NRXN1: variants seen among roughly 807,000 people sequenced by gnomAD.
NRXN1 encodes neurexin 1, also known as neurexin-1.
NRXN1 carries 39 observed loss-of-function variants against 150.9 expected under a neutral mutation model. That is an observed-to-expected ratio of 0.26 (90% CI 0.20 to 0.34). NRXN1 has a LOEUF of 0.34. Among genes scored for constraint, NRXN1 ranks in the 10% least tolerant of loss-of-function variants. The pLI is 1.00. For missense variants in NRXN1, 1,815 were observed against 1,949.9 expected (o/e 0.93, Z 1.30); for synonymous variants, 924 against 757.0 (o/e 1.22, Z -3.62).
chr2:49,979,508 A>G (rs1006740482), intron 21 of NRXN1, among the ~76,000 whole-genome samples: 15 of 152,186 alleles, frequency 9.9e-5, no homozygotes, highest in African/African-American at 3.6e-4. Context: ...TCCTTTCAGA[A>G]GAATTTAAGT....
chr2:50,042,736 A>C (rs572335043), intron 21 of NRXN1, among the ~76,000 whole-genome samples: 1 of 152,346 alleles, frequency 6.6e-6, no homozygotes, highest in African/African-American at 2.4e-5. Flanking sequence ...GTCAAAAAAA[A>C]AACTTAAGGT....
chr2:50,171,893 T>C (rs1030928265), intron 18 of NRXN1, among the ~76,000 whole-genome samples: 1 of 152,146 alleles, frequency 6.6e-6, no homozygotes, highest in African/African-American at 2.4e-5. Context: ...CTAATTTTGG[T>C]TGCCTGAGAA....
rs1693364049 is a variant in NRXN1, at chr2:50,962,508, C to T, written c.773-36553G>A. Reference sequence around the variant, plus strand: ...GGTATTCTCTATATATTCACAGAGCCAAGTGCTTGGTTTGTTTGTTTGTTT... The same window carrying T: ...GGTATTCTCTATATATTCACAGAGCTAAGTGCTTGGTTTGTTTGTTTGTTT... On this transcript the variant is annotated intron_variant, in intron 2 of 22. Coordinates refer to ENST00000401669, the MANE Select transcript of NRXN1 (RefSeq NM_001330078.2). 2.5e-5 allele frequency among the ~76,000 whole-genome samples: 3 copies of T among 119,088 alleles called. No individual in the cohort carries two copies. The South Asian group carries it at 9.4e-4, about 37-fold the overall frequency. 78.1% of individuals were successfully genotyped at this position (119,088 alleles called of 152,430 possible).
rs145850075 is a variant in NRXN1, at chr2:50,120,766, C to T, written c.3547-29272G>A. Among the ~76,000 whole-genome samples the T allele has an allele frequency of 2.5e-3, 381 of 152,240 alleles. 2 individuals are homozygous for T. Among genetic ancestry groups the T allele is most frequent in the African/African-American group, 8.8e-3 (366 of 41,536 alleles). On this transcript the variant is annotated intron_variant, in intron 18 of 22. Transcript: ENST00000401669. ...AAGTTATTAAAATTTAATCTTTTCA[C>T]ATATTATTAAACAAAACCTCTCACT...
At chr2:50,397,811 T>C (rs551484258) in intron 17 of NRXN1, among the ~76,000 whole-genome samples, 1 of 152,152 alleles carries the variant, frequency 6.6e-6, no homozygotes, top group Non-Finnish European at 1.5e-5. Flanking sequence ...GTGTTAGTTA[T>C]TGACTCTTTT....
At chr2:50,434,395 T>C (rs1355735383) in intron 17 of NRXN1, among the ~76,000 whole-genome samples, 1 of 152,100 alleles carries the variant, frequency 6.6e-6, no homozygotes, top group Non-Finnish European at 1.5e-5. Context: ...TTTTGCTTTT[T>C]CTATGGGTGG....
intron 12 of NRXN1, among the ~76,000 whole-genome samples, chr2:50,527,926 A>G (rs1188821818): frequency 2.0e-5 from 3 of 152,206 alleles, no homozygotes; most frequent in African/African-American, 7.2e-5. Context: ...GCATTTATGT[A>G]CAGAAATAAA....
At chr2:50,553,267 TACAC>T (rs1667786177) in intron 8 of NRXN1, among the ~76,000 whole-genome samples, 1 of 152,248 alleles carries the variant, frequency 6.6e-6, no homozygotes, top group Non-Finnish European at 1.5e-5. Context: ...CATGTGCATA[TACAC>T]ACAAACTGCT....
intron 5 of NRXN1, among the ~76,000 whole-genome samples, chr2:50,854,368 T>C (rs1304056726): frequency 1.3e-5 from 2 of 151,978 alleles, no homozygotes; most frequent in Admixed American, 1.3e-4. Context: ...AATGCTAAAA[T>C]CCACAGAACA....
chr2:50,369,277 C>A (rs1256470803), intron 17 of NRXN1, among the ~76,000 whole-genome samples: 1 of 151,962 alleles, frequency 6.6e-6, no homozygotes, highest in East Asian at 1.9e-4. Context: ...AATACATTTA[C>A]TTAATGTGTA....
chr2:49,996,073 C>G (rs1558658059), intron 21 of NRXN1, among the ~76,000 whole-genome samples: 2 of 151,990 alleles, frequency 1.3e-5, no homozygotes, highest in Non-Finnish European at 2.9e-5. Context: ...ATAAATGAGA[C>G]ACAGAAAATG....
intron 5 of NRXN1, among the ~76,000 whole-genome samples, chr2:50,784,277 T>A (rs1417461431): frequency 1.3e-5 from 2 of 152,004 alleles, no homozygotes; most frequent in African/African-American, 2.4e-5. Context: ...AAGGGTCAGA[T>A]GGAGAAAAAA....
Position 50,468,398 on chromosome 2 carries a change from C to T in NRXN1, c.3245-2837G>A, listed in dbSNP as rs115920214. Among the ~76,000 whole-genome samples, 281 of 151,624 alleles carry T rather than the reference C, an allele frequency of 1.9e-3. 2 individuals are homozygous for T. The highest frequency in any genetic ancestry group is 6.6e-3 in the African/African-American group (275 of 41,452). ...TTCAGGAATTACAAGACAATGCATG[C>T]CTTTGCCTGACAAGACACATTTTTC... On this transcript the variant is annotated intron_variant, in intron 16 of 22. Coordinates refer to ENST00000401669, the MANE Select transcript of NRXN1 (RefSeq NM_001330078.2).
At chr2:50,877,858 A>C (rs1396969191) in intron 5 of NRXN1, among the ~76,000 whole-genome samples, 1 of 151,948 alleles carries the variant, frequency 6.6e-6, no homozygotes, top group Non-Finnish European at 1.5e-5. Flanking sequence ...AAAACGTTAG[A>C]GAATTCTTTT....
In NRXN1 at chr2:51,004,771, G is replaced by T. The variant is rs891878914; in HGVS notation, c.772+22731C>A. 7.9e-5 allele frequency among the ~76,000 whole-genome samples: 12 copies of T among 152,166 alleles called. No homozygotes were observed. In the East Asian group the frequency reaches 2.3e-3, roughly 30 times the overall value. ...TATTTTTCAAGGAGGGGAATGCCCA[G>T]TACTGGGAGACCACTTCTCCATCTA... On this transcript the variant is annotated intron_variant, in intron 2 of 22. Transcript: ENST00000401669.
At chr2:50,518,882 A>G (rs1307341004) in intron 12 of NRXN1, among the ~76,000 whole-genome samples, 1 of 148,848 alleles carries the variant, frequency 6.7e-6, no homozygotes, top group Non-Finnish European at 1.5e-5. Flanking sequence ...TCTAGTATAA[A>G]CTTTTTCCAA....
intron 17 of NRXN1, among the ~76,000 whole-genome samples, chr2:50,293,106 T>C (rs2073136830): frequency 6.6e-6 from 1 of 152,186 alleles, no homozygotes; most frequent in Non-Finnish European, 1.5e-5. Flanking sequence ...TTTCAAATAT[T>C]GCTGGCTTTC....
At chr2:50,215,962 T>C (rs1053336716) in intron 18 of NRXN1, among the ~76,000 whole-genome samples, 1 of 152,114 alleles carries the variant, frequency 6.6e-6, no homozygotes, top group East Asian at 1.9e-4. Flanking sequence ...ATTCAGTTGG[T>C]GACATTGGTT....
intron 5 of NRXN1, among the ~76,000 whole-genome samples, chr2:50,740,102 A>C (rs1699253569): frequency 6.6e-6 from 1 of 152,168 alleles, no homozygotes; most frequent in Non-Finnish European, 1.5e-5. Context: ...GTAGCTTTAA[A>C]AATTGTGCTA....
Sources: gnomAD v4.1 joint callset for allele counts (sites outside exome capture counted in the v4.1 genomes callset) on GRCh38, gnomAD v4.1.1 for gene constraint, MANE v1.5 for transcripts, NCBI Gene and HGNC (gene_info 2026-07-23, HGNC 2026-07-21) for gene names.